The following KLHL5 variants were observed in gnomAD, a reference collection of about 807,000 sequenced individuals.
The protein encoded by KLHL5 is kelch like family member 5, also known as kelch-like protein 5.
Under a neutral mutation model 77.7 loss-of-function variants are expected in KLHL5, and 48 were observed. The ratio of observed to expected loss-of-function variants is 0.62; its 90% confidence interval spans 0.49 to 0.79. KLHL5 has a LOEUF of 0.79. Among genes scored for constraint, KLHL5 ranks in the 30% least tolerant of loss-of-function variants. The probability of loss-of-function intolerance (pLI) is 0.00; values close to 1 mark genes in which losing one functional copy is unlikely to be tolerated. For synonymous variants in KLHL5, 260 were observed against 297.0 expected, an observed-to-expected ratio of 0.88 and a Z score of 1.28; for missense variants, 723 against 859.7, an observed-to-expected ratio of 0.84 and a Z score of 1.99.
At chr4:39,102,426 G>A (rs893804173) in intron 6 of KLHL5, among the ~76,000 whole-genome samples, 2 of 150,564 alleles carry the variant, frequency 1.3e-5, no homozygotes, top group Admixed American at 1.3e-4. Context: ...ATGCCTTCAG[G>A]CAGCAACTTC....
At chr4:39,101,845 C>CAAA (rs139956032) in intron 6 of KLHL5, among the ~76,000 whole-genome samples, 1,224 of 105,302 alleles carry the variant, frequency 0.012, 32 homozygotes, top group African/African-American at 0.044. Flanking sequence ...CAGTCTGTCT[C>CAAA]AAAAAAAAAA....
chr4:39,139,753 G>T, the KLHL5 span, among the ~76,000 whole-genome samples: 5 of 152,184 alleles, frequency 3.3e-5, no homozygotes, highest in Non-Finnish European at 7.3e-5. Context: ...ATGAGAGGAC[G>T]CAATAGTATC....
At chr4:39,090,272 A>G (rs1720405625) in intron 5 of KLHL5, among the ~76,000 whole-genome samples, 2 of 152,188 alleles carry the variant, frequency 1.3e-5, no homozygotes, top group South Asian at 4.1e-4. Context: ...AATGATACCA[A>G]CTAAATGAGA....
rs1183182239 is a variant in KLHL5, at chr4:39,123,236, A to G, written c.*2170A>G. Among the ~76,000 whole-genome samples, 3 of 152,224 alleles carry G rather than the reference A, an allele frequency of 2.0e-5. No individual in the cohort carries two copies. The highest frequency in any genetic ancestry group is 2.9e-5 in the Non-Finnish European group (2 of 68,038). On this transcript the variant is annotated 3_prime_UTR_variant, in exon 11 of 11. Transcript: ENST00000504108. ...TGAACCAGTAATCAAAAATCTCCCA[A>G]CAAAGAAAGTCCAGGACTAAATGAG...
In KLHL5 at chr4:39,124,578, C is replaced by T. The variant is rs1723411489; in HGVS notation, c.*3512C>T. 6.6e-6 allele frequency among the ~76,000 whole-genome samples: 1 copy of T among 151,978 alleles called. No individual in the cohort carries two copies. Among genetic ancestry groups the T allele is most frequent in the African/African-American group, 2.4e-5 (1 of 41,406 alleles). On this transcript the variant is annotated 3_prime_UTR_variant, in exon 11 of 11. Transcript: ENST00000504108. ...CCATTCAATGAAGAAAGAACAGTGTCTTCAACTAATAGTGCTAAGACAAGT... is the reference window on the plus strand; with the variant it reads ...CCATTCAATGAAGAAAGAACAGTGTTTTCAACTAATAGTGCTAAGACAAGT...
At chr4:39,064,072 TGTAG>T (rs1289857221) in intron 1 of KLHL5, among the ~76,000 whole-genome samples, 4 of 152,176 alleles carry the variant, frequency 2.6e-5, no homozygotes, top group African/African-American at 9.6e-5. Context: ...TTATTAATGA[TGTAG>T]GTGTCATATG....
rs1462409534 is a variant in KLHL5, at chr4:39,062,890, C to A, written c.238C>A (p.Pro80Thr). 1 of 1,614,146 alleles carries A rather than the reference C, an allele frequency of 6.2e-7. No homozygotes were observed. The change falls in exon 1 of 11, where the codon CCT becomes ACT. Residue 80 changes from proline to threonine, a missense_variant. By Grantham distance (38) the Pro-to-Thr change is conservative. Transcript: ENST00000504108. ...RSSQLDFQNS[P>T]SWPMASTSEV... is the part of the protein sequence containing the mutation. ...CAGCCAACTGGATTTTCAGAATTCA[C>A]CTTCTTGGCCAATGGCATCCACCTC...
At chr4:39,136,005 CGTGTGT>C in the KLHL5 span, among the ~76,000 whole-genome samples, 3,698 of 146,002 alleles carry the variant, frequency 0.025, 141 homozygotes, top group African/African-American at 0.088. Flanking sequence ...CATTCTAACA[CGTGTGT>C]GTGTGTGTGT....
rs1722133435 is a variant in KLHL5 at position 39,107,444 on chromosome 4, A to G, written c.1526-125A>G. The G allele has an allele frequency of 1.1e-5, 3 of 265,548 alleles. No individual in the cohort carries two copies. In the Admixed American group the frequency reaches 2.0e-4, roughly 18 times the overall value. The allele number at this position is 265,548 out of a possible 1,614,324, so 16.4% of individuals were successfully genotyped here. ...AATAGTGAGGAGGACACTTGTCTGC[A>G]TCATAAATGTTTACTCAGTTCTATT... On this transcript the variant is annotated intron_variant, in intron 7 of 10. Coordinates refer to ENST00000504108, the MANE Select transcript of KLHL5 (RefSeq NM_015990.5).
intron 10 of KLHL5, among the ~76,000 whole-genome samples, chr4:39,119,132 G>A (rs1723045282): frequency 6.6e-6 from 1 of 152,146 alleles, no homozygotes; most frequent in South Asian, 2.1e-4. Context: ...CTATCAGCCA[G>A]TTATTTGAGA....
At chr4:39,133,570 A>C in the KLHL5 span, among the ~76,000 whole-genome samples, 1 of 33,868 alleles carries the variant, frequency 3.0e-5, no homozygotes, top group African/African-American at 6.7e-5. Flanking sequence ...CCATTTCCTA[A>C]AAAAAAAAAA....
intron 10 of KLHL5, 103 bp from the exon 11 acceptor site, chr4:39,120,907 C>A (rs1189887658): frequency 2.2e-6 from 2 of 899,614 alleles, no homozygotes; most frequent in Non-Finnish European, 3.6e-6. Context: ...GGGCAACAAC[C>A]CTTTGCCAAC....
intron 10 of KLHL5, among the ~76,000 whole-genome samples, chr4:39,119,607 A>C (rs1433869679): frequency 1.3e-5 from 2 of 152,170 alleles, no homozygotes; most frequent in South Asian, 2.1e-4. Context: ...AACAAACAAA[A>C]AAATTTTGAA....
At chr4:39,083,241 G>T (rs1719776073) in intron 4 of KLHL5, among the ~76,000 whole-genome samples, 1 of 152,188 alleles carries the variant, frequency 6.6e-6, no homozygotes, top group Non-Finnish European at 1.5e-5. Context: ...TCTACTTCAT[G>T]AGCTTGGTGT....
chr4:39,088,320 A>T (rs1262274328), intron 5 of KLHL5, among the ~76,000 whole-genome samples: 3 of 152,222 alleles, frequency 2.0e-5, no homozygotes, highest in African/African-American at 4.8e-5. Context: ...GGCATTTTGG[A>T]GATCATTTGT....
At position 39,107,687 on chromosome 4, in the gene KLHL5, GTC is replaced by G. The variant is rs776644631; in HGVS notation, c.1646_1647del (p.Ser549TyrfsTer3). 1.2e-6 allele frequency: 2 copies of G among 1,612,918 alleles called. No homozygotes were observed. Among genetic ancestry groups the G allele is most frequent in the Admixed American group, 3.3e-5 (2 of 59,988 alleles). The part of the protein sequence containing the change: ...ARQWNFVATM[S>X]TPRSTVGVAV... ...GCCAGTGGAATTTTGTTGCCACTAT[GTC>G]TACCCCTAGGAGTACAGTAGGTGTG... On this transcript the variant is annotated frameshift_variant, in exon 8 of 11. Transcript: ENST00000504108. LOFTEE classifies it high-confidence loss of function.
chr4:39,130,493 A>T (rs142439867), downstream of KLHL5, among the ~76,000 whole-genome samples: 148 of 152,222 alleles, frequency 9.7e-4, 1 homozygote, highest in African/African-American at 3.3e-3. Context: ...CAGAGATTTT[A>T]TTTATGGCCA....
downstream of KLHL5, among the ~76,000 whole-genome samples, chr4:39,128,560 TA>T (rs1723658470): frequency 6.6e-6 from 1 of 152,170 alleles, no homozygotes. Flanking sequence ...TGTTTCAAAT[TA>T]AAAATGCCAG....
At position 39,086,630 on chromosome 4, in the gene KLHL5, A is replaced by C; in HGVS notation, c.1016A>C (p.Asn339Thr). ...MNIPNEETIL[N>T]ALLTWVRHDL... Reference sequence around the variant, plus strand: ...ATTCCTAATGAGGAGACAATATTGAATGCACTTCTTACTTGGGTCCGTCAT... The same window carrying C: ...ATTCCTAATGAGGAGACAATATTGACTGCACTTCTTACTTGGGTCCGTCAT... The change falls in exon 5 of 11, where the codon AAT becomes ACT. Residue 339 changes from asparagine to threonine, a missense_variant. By Grantham distance (65) the Asn-to-Thr change is moderately conservative (BLOSUM62 0). Transcript: ENST00000504108. The C allele has an allele frequency of 6.2e-7, 1 of 1,613,996 alleles. No homozygotes were observed. Among genetic ancestry groups the C allele is most frequent in the Non-Finnish European group, 8.5e-7 (1 of 1,179,928 alleles).
Sources: gnomAD v4.1 joint callset for allele counts (sites outside exome capture counted in the v4.1 genomes callset) on GRCh38, gnomAD v4.1.1 for gene constraint, MANE v1.5 for transcripts, NCBI Gene and HGNC (gene_info 2026-07-23, HGNC 2026-07-21) for gene names.